CCDC102B: variants seen among roughly 807,000 people sequenced by gnomAD.
The protein encoded by CCDC102B is coiled-coil domain-containing protein 102B.
CCDC102B carries 75 observed loss-of-function variants against 57.4 expected under a neutral mutation model. The observed-to-expected ratio is 1.31, with a 90% CI of 1.08 to 1.58. CCDC102B has a LOEUF of 1.58. Ranked by LOEUF, CCDC102B falls within the 40% of genes most tolerant of loss-of-function variation. CCDC102B has a pLI of 0.00. For synonymous variants in CCDC102B, 206 were observed against 201.9 expected, an observed-to-expected ratio of 1.02 and a Z score of -0.17; for missense variants, 636 against 582.6, an observed-to-expected ratio of 1.09 and a Z score of -0.94.
At chr18:68,790,063 C>CT (rs2035374276) in intron 2 of CCDC102B, among the ~76,000 whole-genome samples, 1 of 147,852 alleles carries the variant, frequency 6.8e-6, no homozygotes, top group African/African-American at 2.6e-5. Context: ...GGACCCTCAG[C>CT]TGCAGGTCTG....
chr18:68,788,062 ATT>A (rs2035278662), intron 2 of CCDC102B, among the ~76,000 whole-genome samples: 1 of 151,176 alleles, frequency 6.6e-6, no homozygotes. Flanking sequence ...GAACATCTTT[ATT>A]TCTGCCTTCA....
chr18:68,953,324 C>T (rs962598976), intron 6 of CCDC102B, among the ~76,000 whole-genome samples: 5 of 149,540 alleles, frequency 3.3e-5, no homozygotes, highest in Non-Finnish European at 7.4e-5. Context: ...TACAAAGGTT[C>T]CAAGTTCTTC....
At chr18:68,836,543 G>A (rs762935468) in intron 1 of CCDC102B, among the ~76,000 whole-genome samples, 6 of 147,256 alleles carry the variant, frequency 4.1e-5, no homozygotes, top group Middle Eastern at 3.4e-3. Flanking sequence ...CAAGGGAATC[G>A]CTTGAACCCT....
intron 6 of CCDC102B, among the ~76,000 whole-genome samples, chr18:68,917,573 A>G (rs756865372): frequency 6.6e-6 from 1 of 152,194 alleles, no homozygotes; most frequent in Non-Finnish European, 1.5e-5. Context: ...CACTGGGATT[A>G]AAGTATCCTT....
At chr18:68,870,457 T>C (rs1248346485) in intron 4 of CCDC102B, among the ~76,000 whole-genome samples, 1 of 152,156 alleles carries the variant, frequency 6.6e-6, no homozygotes, top group Non-Finnish European at 1.5e-5. Flanking sequence ...TAAATGTTAA[T>C]GGGGAAGAAA....
intron 6 of CCDC102B, among the ~76,000 whole-genome samples, chr18:68,912,250 T>C (rs1347418082): frequency 6.6e-6 from 1 of 152,184 alleles, no homozygotes; most frequent in Non-Finnish European, 1.5e-5. Context: ...AAAATAACAC[T>C]TTCTTGATGT....
intron 6 of CCDC102B, among the ~76,000 whole-genome samples, chr18:68,997,041 A>T (rs117573226): frequency 6.6e-6 from 1 of 152,102 alleles, no homozygotes; most frequent in Admixed American, 6.6e-5. Flanking sequence ...ATGGTTTTAT[A>T]AGGGACTCCT....
At chr18:69,033,339 A>G (rs1363444777) in intron 7 of CCDC102B, among the ~76,000 whole-genome samples, 1 of 152,144 alleles carries the variant, frequency 6.6e-6, no homozygotes, top group Non-Finnish European at 1.5e-5. Flanking sequence ...GCAATTCAAT[A>G]GTTATTAGTA....
chr18:68,800,038 C>T (rs73456182), intron 1 of CCDC102B, among the ~76,000 whole-genome samples: 4,706 of 152,108 alleles, frequency 0.031, 233 homozygotes, highest in African/African-American at 0.11. Flanking sequence ...CACATAATAG[C>T]ATTTTCTGCT....
At chr18:68,839,321 A>G (rs1332432942) in intron 3 of CCDC102B, among the ~76,000 whole-genome samples, 4 of 152,198 alleles carry the variant, frequency 2.6e-5, no homozygotes, top group Non-Finnish European at 5.9e-5. Context: ...TTTGTGAGAT[A>G]TTTATTACAG....
chr18:68,981,282 A>T (rs2050572988), intron 6 of CCDC102B, among the ~76,000 whole-genome samples: 1 of 152,036 alleles, frequency 6.6e-6, no homozygotes, highest in Admixed American at 6.6e-5. Context: ...GAGACAGGGA[A>T]AAAGGAAACC....
At chr18:68,879,882 A>G (rs996428273) in intron 5 of CCDC102B, among the ~76,000 whole-genome samples, 20 of 152,146 alleles carry the variant, frequency 1.3e-4, no homozygotes, top group Non-Finnish European at 2.8e-4. Context: ...CCGGGGCTAG[A>G]CATAAAGGTT....
intron 7 of CCDC102B, among the ~76,000 whole-genome samples, chr18:69,033,643 C>A (rs879447622): frequency 6.6e-6 from 1 of 151,964 alleles, no homozygotes; most frequent in Non-Finnish European, 1.5e-5. Context: ...ATGGTTCATT[C>A]ATCAGTTAAT....
At chr18:68,808,680 G>C (rs757602510) in intron 1 of CCDC102B, among the ~76,000 whole-genome samples, 1 of 151,812 alleles carries the variant, frequency 6.6e-6, no homozygotes, top group Non-Finnish European at 1.5e-5. Flanking sequence ...GGGTTTCACC[G>C]TATTAGCCAG....
At chr18:68,878,361 G>A (rs1036944210) in intron 5 of CCDC102B, among the ~76,000 whole-genome samples, 2 of 152,158 alleles carry the variant, frequency 1.3e-5, no homozygotes, top group African/African-American at 4.8e-5. Flanking sequence ...GCCTCCCAAA[G>A]TGCTGGGATT....
chr18:68,859,589 TCAAA>T (rs2038640057), intron 4 of CCDC102B, among the ~76,000 whole-genome samples: 1 of 18,538 alleles, frequency 5.4e-5, no homozygotes, highest in African/African-American at 1.2e-4. Context: ...TACAATGAAC[TCAAA>T]CAAATTTACA....
At chr18:68,930,785 C>T (rs1442105580) in intron 6 of CCDC102B, among the ~76,000 whole-genome samples, 1 of 151,870 alleles carries the variant, frequency 6.6e-6, no homozygotes, top group African/African-American at 2.4e-5. Context: ...TCTATATCTT[C>T]AATAGGCTCT....
chr18:68,715,231 T>C (rs1249764670), upstream of CCDC102B: 1 of 1,334,744 alleles, frequency 7.5e-7, no homozygotes, highest in Non-Finnish European at 9.6e-7. Flanking sequence ...TCCTTTGCGC[T>C]CTCGGTGCCC....
At chr18:68,843,448 AT>A (rs1409812097) in intron 3 of CCDC102B, among the ~76,000 whole-genome samples, 2 of 152,074 alleles carry the variant, frequency 1.3e-5, no homozygotes, top group African/African-American at 4.8e-5. Flanking sequence ...TATTTGAGTA[AT>A]ATTCTTGTCT....
Sources: gnomAD v4.1 joint callset for allele counts (sites outside exome capture counted in the v4.1 genomes callset) on GRCh38, gnomAD v4.1.1 for gene constraint, MANE v1.5 for transcripts, NCBI Gene and HGNC (gene_info 2026-07-23, HGNC 2026-07-21) for gene names.